Variants in STK32B observed in about 807,000 individuals in gnomAD.
STK32B encodes serine/threonine kinase 32B.
Under a neutral mutation model 52.6 loss-of-function variants are expected in STK32B, and 43 were observed. The ratio of observed to expected loss-of-function variants is 0.82; its 90% CI spans 0.64 to 1.05. STK32B has a LOEUF of 1.05. Among genes scored for constraint, STK32B ranks in the 50% least tolerant of loss-of-function variants. The pLI, the probability that STK32B is intolerant of heterozygous loss-of-function variation, is 0.00. For synonymous variants in STK32B, 238 were observed against 204.3 expected (o/e 1.17, Z -1.41); for missense variants, 621 against 534.6 (o/e 1.16, Z -1.59).
At chr4:5,479,779 A>G (rs1017061433) in intron 11 of STK32B, among the ~76,000 whole-genome samples, 3 of 152,050 alleles carry the variant, frequency 2.0e-5, no homozygotes, top group Admixed American at 1.3e-4. Flanking sequence ...CTCAATTACC[A>G]TTATTCAATT....
intron 1 of STK32B, among the ~76,000 whole-genome samples, chr4:5,068,555 G>A (rs1711559020): frequency 6.6e-6 from 1 of 152,112 alleles, no homozygotes; most frequent in African/African-American, 2.4e-5. Flanking sequence ...TAATTGTGGT[G>A]CTTGGTCTCA....
Position 5,399,353 on chromosome 4 carries a change from C to T in STK32B, c.472+1109C>T, listed in dbSNP as rs1008001040. On this transcript the variant is annotated intron_variant, in intron 5 of 11. Transcript: ENST00000282908. This position sits in a 1 kb window ranked among gnomAD's most constrained non-coding sequence, Gnocchi z 5.4. ...AGGTCATGGTTCTATCTCAGAGCTCCTCTCGAACCTTCCATGAGCCAGCAG... is the reference window on the plus strand; with the variant it reads ...AGGTCATGGTTCTATCTCAGAGCTCTTCTCGAACCTTCCATGAGCCAGCAG... 7.2e-5 allele frequency among the ~76,000 whole-genome samples: 11 copies of T among 152,188 alleles called. No homozygotes were observed. The highest frequency in any genetic ancestry group is 2.4e-4 in the African/African-American group (10 of 41,436).
intron 4 of STK32B, among the ~76,000 whole-genome samples, chr4:5,377,039 C>G (rs1417135409): frequency 6.6e-6 from 1 of 152,182 alleles, no homozygotes; most frequent in African/African-American, 2.4e-5. Context: ...CCCCTGCCCC[C>G]AGCTCTCCCC....
At chr4:5,269,516 A>G (rs1727282563) in intron 3 of STK32B, among the ~76,000 whole-genome samples, 1 of 152,224 alleles carries the variant, frequency 6.6e-6, no homozygotes, top group South Asian at 2.1e-4. Context: ...AGTGTGAGGC[A>G]TTGTGAGGTA....
intron 3 of STK32B, among the ~76,000 whole-genome samples, chr4:5,190,569 G>A (rs891135338): frequency 6.6e-6 from 1 of 152,154 alleles, no homozygotes. Flanking sequence ...TACTGGTGAT[G>A]TATGCAGAGC....
chr4:5,156,508 T>C (rs975475932), intron 2 of STK32B, among the ~76,000 whole-genome samples: 6 of 152,152 alleles, frequency 3.9e-5, no homozygotes, highest in Non-Finnish European at 7.3e-5. Context: ...CTTGACCCCT[T>C]TGATGGCTGA....
intron 4 of STK32B, among the ~76,000 whole-genome samples, chr4:5,361,104 A>G (rs537593976): frequency 6.6e-6 from 1 of 152,260 alleles, no homozygotes; most frequent in African/African-American, 2.4e-5. Context: ...GGCTTCTTTC[A>G]CTTAACATAA....
chr4:5,065,835 T>C (rs770657643), intron 1 of STK32B, among the ~76,000 whole-genome samples: 13 of 152,166 alleles, frequency 8.5e-5, no homozygotes, highest in Non-Finnish European at 1.5e-4. Flanking sequence ...GCAATTCTCC[T>C]GCCTCAGCCT....
intron 4 of STK32B, among the ~76,000 whole-genome samples, chr4:5,382,314 A>G (rs1461881485): frequency 6.6e-6 from 1 of 152,176 alleles, no homozygotes; most frequent in Non-Finnish European, 1.5e-5. Flanking sequence ...CTCCTTAGCT[A>G]TAAAATAAAC....
At chr4:5,387,396 GCACATATACCCTGTGCTCACTGC>G (rs528871899) in intron 4 of STK32B, among the ~76,000 whole-genome samples, 2 of 152,292 alleles carry the variant, frequency 1.3e-5, no homozygotes, top group East Asian at 3.9e-4. Flanking sequence ...AATCACACAA[GCACATATACCCTGTGCTCACTGC>G]CAGGCCAGTG....
intron 1 of STK32B, among the ~76,000 whole-genome samples, chr4:5,123,214 G>A (rs1256941715): frequency 6.6e-6 from 1 of 152,088 alleles, no homozygotes; most frequent in Non-Finnish European, 1.5e-5. Context: ...ACACTTCTCT[G>A]GCTGTGTCCC....
intron 3 of STK32B, among the ~76,000 whole-genome samples, chr4:5,243,087 T>G (rs62299966): frequency 0.091 from 13,789 of 152,186 alleles, 754 homozygotes; most frequent in Admixed American, 0.19. Context: ...ATATGAACTT[T>G]AAAGTAGTTT....
At chr4:5,340,352 C>T (rs1272303089) in intron 4 of STK32B, among the ~76,000 whole-genome samples, 1 of 152,176 alleles carries the variant, frequency 6.6e-6, no homozygotes. Flanking sequence ...CTTCCTCTGC[C>T]ACAGTCGGTC....
At chr4:5,096,692 C>A (rs1713418874) in intron 1 of STK32B, among the ~76,000 whole-genome samples, 1 of 152,166 alleles carries the variant, frequency 6.6e-6, no homozygotes, top group African/African-American at 2.4e-5. Flanking sequence ...TCGCGAACAC[C>A]ATGAGGCTTA....
chr4:5,059,626 A>C (rs533466842), intron 1 of STK32B, among the ~76,000 whole-genome samples: 1 of 152,322 alleles, frequency 6.6e-6, no homozygotes, highest in Admixed American at 6.5e-5. Flanking sequence ...CTTTTTAATA[A>C]GAAGATGTTA....
chr4:5,195,892 T>A (rs936112730), intron 3 of STK32B, among the ~76,000 whole-genome samples: 8 of 152,246 alleles, frequency 5.3e-5, no homozygotes, highest in African/African-American at 1.2e-4. Flanking sequence ...AAAGTTGTTA[T>A]GACCAGTGTA....
At chr4:5,119,393 G>T (rs974254452) in intron 1 of STK32B, among the ~76,000 whole-genome samples, 9 of 152,342 alleles carry the variant, frequency 5.9e-5, no homozygotes, top group Admixed American at 3.9e-4. Flanking sequence ...TTAGTACCAG[G>T]CCAGAACATT....
In STK32B at chr4:5,394,045, G is replaced by A. The variant is rs1736733442; in HGVS notation, c.435-4162G>A. Among the ~76,000 whole-genome samples, 1 of 152,166 alleles carries A rather than the reference G, an allele frequency of 6.6e-6. No homozygotes were observed. The highest frequency in any genetic ancestry group is 2.4e-5 in the African/African-American group (1 of 41,432). On this transcript the variant is annotated intron_variant, in intron 4 of 11. Coordinates refer to ENST00000282908, the MANE Select transcript of STK32B (RefSeq NM_018401.3). This position sits in a 1 kb window ranked among gnomAD's most constrained non-coding sequence, Gnocchi z 4.2. ...CATAAGATTGCCAGCATAGAATATTGAGAAGCCCCCTGCCAAAAGACACAT... is the reference window on the plus strand; with the variant it reads ...CATAAGATTGCCAGCATAGAATATTAAGAAGCCCCCTGCCAAAAGACACAT...
chr4:5,303,095 G>A (rs1042493666), intron 3 of STK32B, among the ~76,000 whole-genome samples: 3 of 151,824 alleles, frequency 2.0e-5, no homozygotes, highest in Non-Finnish European at 4.4e-5. Context: ...TGGGCATTTG[G>A]GCTGGTTCCA....
Sources: allele counts gnomAD v4.1 joint callset (sites outside exome capture counted in the v4.1 genomes callset), GRCh38; gene constraint gnomAD v4.1.1; non-coding constraint Gnocchi (gnomAD v3.1); transcripts MANE v1.5; gene names NCBI Gene and HGNC (gene_info 2026-07-23, HGNC 2026-07-21).